PLCG1: variants seen among roughly 807,000 people sequenced by gnomAD.
PLCG1 encodes the protein phospholipase C gamma 1, also known as 1-phosphatidylinositol 4,5-bisphosphate phosphodiesterase gamma-1.
In PLCG1, 71 loss-of-function variants were observed where a neutral mutation model predicts 177.8. The observed-to-expected ratio is 0.40, with a 90% CI of 0.33 to 0.49. The LOEUF is 0.49. Among genes scored for constraint, PLCG1 ranks in the 20% least tolerant of loss-of-function variants. The pLI is 0.72. For missense variants in PLCG1, 1,281 were observed against 1,709.0 expected (o/e 0.75, Z 4.42); for synonymous variants, 658 against 647.9 (o/e 1.02, Z -0.24).
rs2035634253 is a variant in PLCG1, at chr20:41,165,045, A to C, written c.1330A>C (p.Ile444Leu). Residue 444 changes from isoleucine to leucine, a missense_variant, in exon 13 of 32, where the codon ATC becomes CTC. Transcript: ENST00000685551. This position sits in a 1 kb window ranked among gnomAD's most constrained non-coding sequence, Gnocchi z 6.6. Reference protein sequence around the residue: ...GDTLLTKPVEISADGLPSPNQ... With the variant: ...GDTLLTKPVELSADGLPSPNQ... ...CACACTCCTCACCAAGCCCGTGGAG[A>C]TCTCTGCCGACGGGCTCCCCTCACC... 1 of 1,613,996 alleles carries C rather than the reference A, an allele frequency of 6.2e-7. No homozygotes were observed. Among genetic ancestry groups the C allele is most frequent in the Non-Finnish European group, 8.5e-7 (1 of 1,180,018 alleles).
intron 1 of PLCG1, among the ~76,000 whole-genome samples, chr20:41,138,157 G>GC (rs1319246251): frequency 6.6e-6 from 1 of 152,158 alleles, no homozygotes; most frequent in Non-Finnish European, 1.5e-5. Flanking sequence ...CAGGCATCGG[G>GC]CCCCCCAGAC....
chr20:41,172,560 C>T lies in PLCG1; in HGVS notation c.3045C>T (p.Gly1015=). The part of the protein sequence containing the change: ...RLQLSRIYPK[G]QRLDSSNYDP... ...AGCTCTCCCGCATCTACCCCAAGGG[C>T]CAGCGACTGGATTCCTCCAACTACG... Residue 1015 remains glycine (G), a synonymous_variant, in exon 26 of 32, where the codon GGC becomes GGT. Coordinates refer to ENST00000685551, the MANE Select transcript of PLCG1 (RefSeq NM_002660.3). This position sits in a 1 kb window ranked among gnomAD's most constrained non-coding sequence, Gnocchi z 7.0. 2.5e-6 allele frequency: 4 copies of T among 1,614,190 alleles called. No individual in the cohort carries two copies. The highest frequency in any genetic ancestry group is 3.4e-6 in the Non-Finnish European group (4 of 1,180,020).
At position 41,144,520 on chromosome 20, in the gene PLCG1, G is replaced by C. The variant is rs371816530; in HGVS notation, c.217+6662G>C. ...GACCTTTCCCACACTCCTACATGGG[G>C]GTGAATGTAGCCGCTGATTGGGGGT... On this transcript the variant is annotated intron_variant, in intron 1 of 31. Coordinates refer to ENST00000685551, the MANE Select transcript of PLCG1 (RefSeq NM_002660.3). The surrounding 1 kb of genome is among the most constrained non-coding windows in gnomAD (Gnocchi z 4.1). Among the ~76,000 whole-genome samples, 54 of 152,224 alleles carry C rather than the reference G, an allele frequency of 3.5e-4. 1 individual carries two copies. In the East Asian group the frequency reaches 4.8e-3, roughly 14 times the overall value.
At chr20:41,155,361 G>A (rs1310012042) in intron 1 of PLCG1, among the ~76,000 whole-genome samples, 2 of 152,190 alleles carry the variant, frequency 1.3e-5, no homozygotes, top group Non-Finnish European at 2.9e-5. Context: ...CTACTCCCAC[G>A]AAAGCCTTCA....
At position 41,172,952 on chromosome 20, in the gene PLCG1, C is replaced by T; in HGVS notation, c.3279+75C>T. ...TTGGAGTCTGTTTATGTTGAGTTCTCCAAAAGTAGGTATTTTCAGGCATCA... is the reference window on the plus strand; with the variant it reads ...TTGGAGTCTGTTTATGTTGAGTTCTTCAAAAGTAGGTATTTTCAGGCATCA... On this transcript the variant is annotated intron_variant, in intron 27 of 31. Transcript: ENST00000685551. The surrounding 1 kb of genome is among the most constrained non-coding windows in gnomAD (Gnocchi z 7.0). 6.7e-7 allele frequency: 1 copy of T among 1,497,702 alleles called. No homozygotes were observed. The highest frequency in any genetic ancestry group is 9.1e-7 in the Non-Finnish European group (1 of 1,101,462). The allele number at this position is 1,497,702 out of a possible 1,614,324, so 92.8% of individuals were successfully genotyped here.
intron 20 of PLCG1, among the ~76,000 whole-genome samples, chr20:41,168,165 T>TG (rs925125724): frequency 1.3e-5 from 2 of 152,214 alleles, no homozygotes; most frequent in African/African-American, 4.8e-5. Flanking sequence ...ACTGCTCCTG[T>TG]GGGTGACCCC....
In PLCG1 at chr20:41,157,174, A is replaced by G. The variant is rs1269738244; in HGVS notation, c.218-2432A>G. Among the ~76,000 whole-genome samples, 2 of 148,078 alleles carry G rather than the reference A, an allele frequency of 1.4e-5. No individual in the cohort carries two copies. Among genetic ancestry groups the G allele is most frequent in the African/African-American group, 5.1e-5 (2 of 38,908 alleles). On this transcript the variant is annotated intron_variant, in intron 1 of 31. Transcript: ENST00000685551. This position sits in a 1 kb window ranked among gnomAD's most constrained non-coding sequence, Gnocchi z 5.4. ...TCTGCCTTCAACTGATCTCAATGGA[A>G]ATATGTGCAGGAGTGCAGGCCTGTT...
rs933082415 is a variant in PLCG1, at chr20:41,172,310, G to A, written c.2905+21G>A. On this transcript the variant is annotated intron_variant, in intron 25 of 31. Coordinates refer to ENST00000685551, the MANE Select transcript of PLCG1 (RefSeq NM_002660.3). This position sits in a 1 kb window ranked among gnomAD's most constrained non-coding sequence, Gnocchi z 7.0. ...AGAGAGTAAGGGCCAGGGCCCAGGC[G>A]GGGTGTGCATGTGCCTGGAGGGCCT... 26 of 1,597,270 alleles carry A rather than the reference G, an allele frequency of 1.6e-5. No homozygotes were observed. The highest frequency in any genetic ancestry group is 2.2e-5 in the East Asian group (1 of 44,822).
At chr20:41,154,540 C>A (rs565896510) in intron 1 of PLCG1, among the ~76,000 whole-genome samples, 1 of 152,154 alleles carries the variant, frequency 6.6e-6, no homozygotes, top group African/African-American at 2.4e-5. Context: ...CTCGTGGTGG[C>A]CAGACAGGGT....
At chr20:41,170,699 A>G (rs2035870749) in intron 24 of PLCG1, 1 of 165,192 alleles carries the variant, frequency 6.1e-6, no homozygotes, top group African/African-American at 2.4e-5. Flanking sequence ...GGTCAGACAG[A>G]CTGCAGGCCA....
rs1158892935 is a variant in PLCG1, at chr20:41,163,614, C to A, written c.892-101C>A. On this transcript the variant is annotated intron_variant, in intron 9 of 31. Transcript: ENST00000685551. The surrounding 1 kb of genome is among the most constrained non-coding windows in gnomAD (Gnocchi z 5.2). ...ACCTACTGTGCACCTTGCCCACCCC[C>A]AGTTGGGACAGAGCACTCTCTCTCC... The A allele has an allele frequency of 9.4e-7, 1 of 1,063,730 alleles. No homozygotes were observed. Among genetic ancestry groups the A allele is most frequent in the East Asian group, 2.4e-5 (1 of 42,386 alleles). The allele number at this position is 1,063,730 out of a possible 1,614,324, so 65.9% of individuals were successfully genotyped here.
intron 1 of PLCG1, among the ~76,000 whole-genome samples, chr20:41,140,014 G>T (rs545909412): frequency 6.6e-6 from 1 of 152,128 alleles, no homozygotes; most frequent in East Asian, 1.9e-4. Context: ...AGAAAAGAGG[G>T]GTGCAGAGAG....
Position 41,175,680 on chromosome 20 carries a change from T to A in PLCG1, c.*1171T>A, listed in dbSNP as rs2036046062. ...CCATTTGCTAGTTCTGCTGCCCTCT[T>A]AAGATCTGACTGCCAAATAAATCAT... On this transcript the variant is annotated 3_prime_UTR_variant, in exon 32 of 32. Coordinates refer to ENST00000685551, the MANE Select transcript of PLCG1 (RefSeq NM_002660.3). 6.6e-6 allele frequency: 1 copy of A among 152,668 alleles called. No homozygotes were observed. The highest frequency in any genetic ancestry group is 2.4e-5 in the African/African-American group (1 of 41,468). 9.5% of individuals were successfully genotyped at this position (152,668 alleles called of 1,614,324 possible). A position where few individuals can be genotyped will look rare whatever the true frequency, so the allele number is the denominator to read the frequency against.
In PLCG1 at chr20:41,173,912, C is replaced by T; in HGVS notation, c.3557-11C>T. On this transcript the variant is annotated splice_polypyrimidine_tract_variant and intron_variant, in intron 29 of 31. Coordinates refer to ENST00000685551, the MANE Select transcript of PLCG1 (RefSeq NM_002660.3). This position sits in a 1 kb window ranked among gnomAD's most constrained non-coding sequence, Gnocchi z 6.2. ...CTCGTGGGCTGAGGGCCAGGCTTTT[C>T]CTCCTCCTAGGATACAGAGCAGTGC... is the stretch of plus-strand genomic sequence containing the variant. The T allele has an allele frequency of 6.2e-7, 1 of 1,613,394 alleles. No individual in the cohort carries two copies. The highest frequency in any genetic ancestry group is 8.5e-7 in the Non-Finnish European group (1 of 1,179,386).
chr20:41,155,947 C>T (rs1001450416), intron 1 of PLCG1, among the ~76,000 whole-genome samples: 1 of 152,110 alleles, frequency 6.6e-6, no homozygotes, highest in Non-Finnish European at 1.5e-5. Context: ...CCTCACTAAG[C>T]TGGGAAGGGG....
In PLCG1 at chr20:41,167,663, G is replaced by C. The variant is rs752935676; in HGVS notation, c.2302-189G>C. ...TGGGCCTTACATGTAAGAATGTGAA[G>C]AAAGGAAAGGGAACAGTGAGGCCGG... On this transcript the variant is annotated intron_variant, in intron 19 of 31. Coordinates refer to ENST00000685551, the MANE Select transcript of PLCG1 (RefSeq NM_002660.3). The surrounding 1 kb of genome is among the most constrained non-coding windows in gnomAD (Gnocchi z 4.4). 60 of 591,634 alleles carry C rather than the reference G, an allele frequency of 1.0e-4. No individual in the cohort carries two copies. Among genetic ancestry groups the C allele is most frequent in the Middle Eastern group, 4.4e-4 (1 of 2,280 alleles). 36.6% of individuals were successfully genotyped at this position (591,634 alleles called of 1,614,324 possible).
chr20:41,162,536 G>T lies in PLCG1; in HGVS notation c.597G>T (p.Thr199=). ...PNMRFLRERL[T]DLEQRSGDIT... is the part of the protein sequence containing the mutation. The stretch of plus-strand genomic sequence containing the variant: ...TGCGCTTCCTCCGAGAGCGGCTGAC[G>T]GTAAGTGCCACCCAGGGCTGTCTGT... Residue 199 remains threonine (T), a splice_region_variant and synonymous_variant, in exon 5 of 32, where the codon ACG becomes ACT. Coordinates refer to ENST00000685551, the MANE Select transcript of PLCG1 (RefSeq NM_002660.3). 6.2e-7 allele frequency: 1 copy of T among 1,613,660 alleles called. No individual in the cohort carries two copies.
Position 41,160,234 on chromosome 20 carries a change from C to G in PLCG1, c.512+81C>G, listed in dbSNP as rs35872891. On this transcript the variant is annotated intron_variant, in intron 4 of 31. Coordinates refer to ENST00000685551, the MANE Select transcript of PLCG1 (RefSeq NM_002660.3). The surrounding 1 kb of genome is among the most constrained non-coding windows in gnomAD (Gnocchi z 5.5). ...TTAGCCAGGCCTCTAAGTAGCTGCC[C>G]GGAGAGCCAGAGGACCCAGGGGACC... 2.3e-6 allele frequency: 3 copies of G among 1,332,652 alleles called. No individual in the cohort carries two copies. In the African/African-American group the frequency reaches 4.3e-5, roughly 19 times the overall value. 82.6% of individuals were successfully genotyped at this position (1,332,652 alleles called of 1,614,324 possible). A position where few individuals can be genotyped will look rare whatever the true frequency, so the allele number is the denominator to read the frequency against.
rs2035164603 is a variant in PLCG1, at chr20:41,151,459, T to C, written c.218-8147T>C. On this transcript the variant is annotated intron_variant, in intron 1 of 31. Transcript: ENST00000685551. The surrounding 1 kb of genome is among the most constrained non-coding windows in gnomAD (Gnocchi z 5.5). ...ATGGGAAGGACAGTAAGCCCCACCA[T>C]CGCCTTCCCTTTGCCATATAACCCT... is the stretch of plus-strand genomic sequence containing the variant. 6.6e-6 allele frequency among the ~76,000 whole-genome samples: 1 copy of C among 152,200 alleles called. No individual in the cohort carries two copies. Among genetic ancestry groups the C allele is most frequent in the African/African-American group, 2.4e-5 (1 of 41,452 alleles).
Sources: allele counts gnomAD v4.1 joint callset (sites outside exome capture counted in the v4.1 genomes callset), GRCh38; gene constraint gnomAD v4.1.1; non-coding constraint Gnocchi (gnomAD v3.1); transcripts MANE v1.5; gene names NCBI Gene and HGNC (gene_info 2026-07-23, HGNC 2026-07-21).